VGLL3: variants seen among roughly 807,000 people sequenced by gnomAD.
The protein encoded by VGLL3 is transcription cofactor vestigial-like protein 3.
VGLL3 carries 18 observed loss-of-function variants against 29.2 expected under a neutral mutation model. That is an observed-to-expected ratio of 0.62 (90% confidence interval 0.43 to 0.91). The LOEUF (loss-of-function observed/expected upper bound fraction) is 0.91, where lower values mean the gene tolerates loss of function less well. Ranked by LOEUF, VGLL3 falls within the 40% of genes least tolerant of loss-of-function variation. VGLL3 has a pLI of 0.00. For synonymous variants in VGLL3, 180 were observed against 151.8 expected, an observed-to-expected ratio of 1.19 and a Z score of -1.36; for missense variants, 440 against 413.2, an observed-to-expected ratio of 1.06 and a Z score of -0.56.
rs145009870 is a variant in VGLL3, at chr3:86,952,792, A to T, written c.938-5725T>A. Among the ~76,000 whole-genome samples, 862 of 152,324 alleles carry T rather than the reference A, an allele frequency of 5.7e-3. 9 individuals carry two copies. The highest frequency in any genetic ancestry group is 0.02 in the African/African-American group (821 of 41,582). ...TACATACAACACTGTGTCAGATGCT[A>T]CATCAAAATATCCAAACTTCACCAG... On this transcript the variant is annotated intron_variant, in intron 3 of 3. Coordinates refer to ENST00000398399, the MANE Select transcript of VGLL3 (RefSeq NM_016206.4).
At chr3:86,961,477 T>C (rs1482832289) in intron 3 of VGLL3, among the ~76,000 whole-genome samples, 1 of 152,140 alleles carries the variant, frequency 6.6e-6, no homozygotes, top group Non-Finnish European at 1.5e-5. Context: ...AAAAGAGGAC[T>C]ACTATGTCAG....
intron 1 of VGLL3, among the ~76,000 whole-genome samples, chr3:86,988,625 G>T (rs1472978915): frequency 1.7e-5 from 1 of 57,872 alleles, no homozygotes; most frequent in African/African-American, 6.2e-5. Flanking sequence ...TGGTCAAACA[G>T]TTTCTTTACT....
chr3:86,949,711 C>T (rs977735146), intron 3 of VGLL3, among the ~76,000 whole-genome samples: 4 of 151,372 alleles, frequency 2.6e-5, no homozygotes, highest in Non-Finnish European at 4.4e-5. Context: ...CCTGTAGTCC[C>T]AGCTACTCGG....
rs962129357 is a variant in VGLL3 at position 86,969,038 on chromosome 3, C to A, written c.489G>T (p.Leu163Phe). Reference protein sequence around the residue: ...SSYQPPPAPCLGGVHPDFQVT... With the variant: ...SSYQPPPAPCFGGVHPDFQVT... ...CCTGGAAGTCAGGATGAACTCCCCC[C>A]AAACAAGGTGCAGGTGGGGGCTGGT... Residue 163 changes from leucine to phenylalanine, a missense_variant, in exon 3 of 4, where the codon TTG (leucine) becomes TTT (phenylalanine). Leu to Phe is a conservative substitution (Grantham distance 22, BLOSUM62 0). Coordinates refer to ENST00000398399, the MANE Select transcript of VGLL3 (RefSeq NM_016206.4). 1.2e-6 allele frequency: 2 copies of A among 1,614,022 alleles called. No homozygotes were observed. Among genetic ancestry groups the A allele is most frequent in the Non-Finnish European group, 1.7e-6 (2 of 1,179,992 alleles).
rs562213123 is a variant in VGLL3, at chr3:86,942,364, A to G, written c.*4660T>C. 6.6e-6 allele frequency: 1 copy of G among 152,296 alleles called. No homozygotes were observed. Among genetic ancestry groups the G allele is most frequent in the East Asian group, 1.9e-4 (1 of 5,172 alleles). The allele number at this position is 152,296 out of a possible 1,614,324, so 9.4% of individuals were successfully genotyped here. A position where few individuals can be genotyped will look rare whatever the true frequency, so the allele number is the denominator to read the frequency against. ...TCCTTCCGTCTTCAATAACTGACACAGTGTCAACATCTGCTTCCAATAAGA... is the reference window on the plus strand; with the variant it reads ...TCCTTCCGTCTTCAATAACTGACACGGTGTCAACATCTGCTTCCAATAAGA... On this transcript the variant is annotated 3_prime_UTR_variant, in exon 4 of 4. Coordinates refer to ENST00000398399, the MANE Select transcript of VGLL3 (RefSeq NM_016206.4).
intron 2 of VGLL3, among the ~76,000 whole-genome samples, chr3:86,971,804 G>C (rs2660777): frequency 0.7 from 106,369 of 152,080 alleles, 37,576 homozygotes; most frequent in East Asian, 0.76. Flanking sequence ...AACCCATACA[G>C]AGAGTTTAGA....
intron 3 of VGLL3, among the ~76,000 whole-genome samples, chr3:86,965,502 A>C (rs1243019260): frequency 6.6e-6 from 1 of 152,162 alleles, no homozygotes; most frequent in Non-Finnish European, 1.5e-5. Context: ...ACTTCTGTTC[A>C]TTTAAAAGGA....
Position 86,990,735 on chromosome 3 carries a change from A to G in VGLL3, c.9T>C (p.Cys3=). The change falls in exon 1 of 4, where the codon TGT becomes TGC. Residue 3 remains cysteine, a synonymous_variant. Transcript: ENST00000398399. ...GCTGGGGGTGATACATCACCTCCGC[A>G]CAACTCATGGCAGCCGGGGCAGTGG... MS[C]AEVMYHPQPY... is the part of the protein sequence containing the mutation. The G allele has an allele frequency of 1.4e-6, 2 of 1,411,724 alleles. No individual in the cohort carries two copies. The highest frequency in any genetic ancestry group is 2.8e-5 in the East Asian group (1 of 36,078). 87.4% of individuals were successfully genotyped at this position (1,411,724 alleles called of 1,614,324 possible). A position where few individuals can be genotyped will look rare whatever the true frequency, so the allele number is the denominator to read the frequency against.
intron 1 of VGLL3, among the ~76,000 whole-genome samples, chr3:86,983,891 T>A (rs1705381962): frequency 6.6e-6 from 1 of 152,210 alleles, no homozygotes; most frequent in Non-Finnish European, 1.5e-5. Flanking sequence ...TGCAAATTAC[T>A]GGGTCAGGAT....
rs776998791 is a variant in VGLL3, at chr3:86,938,818, T to A, written c.*8206A>T. On this transcript the variant is annotated 3_prime_UTR_variant, in exon 4 of 4. Transcript: ENST00000398399. ...GTGTTAAAGCTTTACCACGTCAATG[T>A]GGTCATATTTAGCTATTTAGTCAAA... 1 of 152,262 alleles carries A rather than the reference T, an allele frequency of 6.6e-6. No individual in the cohort carries two copies. Among genetic ancestry groups the A allele is most frequent in the Non-Finnish European group, 1.5e-5 (1 of 68,038 alleles). The allele number at this position is 152,262 out of a possible 1,614,324, so 9.4% of individuals were successfully genotyped here.
chr3:86,946,532 T>C lies in VGLL3; in HGVS notation c.*492A>G, dbSNP rs1399086732. On this transcript the variant is annotated 3_prime_UTR_variant, in exon 4 of 4. Coordinates refer to ENST00000398399, the MANE Select transcript of VGLL3 (RefSeq NM_016206.4). ...AGTGCTTCTCTGAGAGCAAGTTCTT[T>C]AAACAGAACTCAACAATTTTTACAA... 1.3e-5 allele frequency: 2 copies of C among 152,354 alleles called. No individual in the cohort carries two copies. Among genetic ancestry groups the C allele is most frequent in the African/African-American group, 4.8e-5 (2 of 41,422 alleles). The allele number at this position is 152,354 out of a possible 1,614,324, so 9.4% of individuals were successfully genotyped here.
chr3:86,971,350 G>A (rs2107026794), intron 2 of VGLL3, among the ~76,000 whole-genome samples: 1 of 152,242 alleles, frequency 6.6e-6, no homozygotes, highest in South Asian at 2.1e-4. Flanking sequence ...CCCTTCAGCT[G>A]GGCACCAGAG....
chr3:86,988,943 TA>T (rs1225758548), intron 1 of VGLL3, among the ~76,000 whole-genome samples: 1 of 152,134 alleles, frequency 6.6e-6, no homozygotes, highest in Non-Finnish European at 1.5e-5. Flanking sequence ...TTGACGGTTT[TA>T]GCAAAAGAAA....
chr3:86,958,395 T>C (rs928623793), intron 3 of VGLL3, among the ~76,000 whole-genome samples: 2 of 152,338 alleles, frequency 1.3e-5, no homozygotes, highest in East Asian at 3.9e-4. Context: ...AAGACGTCTT[T>C]TACAATGATT....
At chr3:86,990,120 G>T (rs971233099) in intron 1 of VGLL3, among the ~76,000 whole-genome samples, 4 of 152,098 alleles carry the variant, frequency 2.6e-5, no homozygotes, top group Admixed American at 1.3e-4. Context: ...AGTAACACCC[G>T]ATAGACATTA....
chr3:86,990,985 C>A lies in VGLL3; in HGVS notation c.-242G>T, dbSNP rs1461615426. 3.0e-6 allele frequency: 3 copies of A among 1,006,126 alleles called. No individual in the cohort carries two copies. Among genetic ancestry groups the A allele is most frequent in the East Asian group, 1.7e-4 (2 of 11,716 alleles). The allele number at this position is 1,006,126 out of a possible 1,614,324, so 62.3% of individuals were successfully genotyped here. On this transcript the variant is annotated 5_prime_UTR_variant, in exon 1 of 4. Coordinates refer to ENST00000398399, the MANE Select transcript of VGLL3 (RefSeq NM_016206.4). Reference sequence around the variant, plus strand: ...TTCAGCCCCTCCGGATGTTCCCTGCCGCGCTTATATAGCGGCTCAGGGACG... The same window carrying A: ...TTCAGCCCCTCCGGATGTTCCCTGCAGCGCTTATATAGCGGCTCAGGGACG...
chr3:86,950,347 A>G (rs564231725), intron 3 of VGLL3, among the ~76,000 whole-genome samples: 1 of 152,342 alleles, frequency 6.6e-6, no homozygotes, highest in South Asian at 2.1e-4. Context: ...ATCATACTTC[A>G]TGCTCCTAAT....
rs1483807071 is a variant in VGLL3, at chr3:86,940,769, G to A, written c.*6255C>T. 6.6e-6 allele frequency: 1 copy of A among 151,592 alleles called. No individual in the cohort carries two copies. Among genetic ancestry groups the A allele is most frequent in the Non-Finnish European group, 1.5e-5 (1 of 67,808 alleles). The allele number at this position is 151,592 out of a possible 1,614,324, so 9.4% of individuals were successfully genotyped here. A position where few individuals can be genotyped will look rare whatever the true frequency, so the allele number is the denominator to read the frequency against. On this transcript the variant is annotated 3_prime_UTR_variant, in exon 4 of 4. Coordinates refer to ENST00000398399, the MANE Select transcript of VGLL3 (RefSeq NM_016206.4). ...GAAGAGTGAATAGAAATAAGAAAAT[G>A]TTTTCCCAACCCCACAAAAACAGAA...
At chr3:86,960,583 CTG>C (rs1250429877) in intron 3 of VGLL3, among the ~76,000 whole-genome samples, 3 of 152,136 alleles carry the variant, frequency 2.0e-5, no homozygotes, top group Admixed American at 2.0e-4. Flanking sequence ...ACTTCTCAGT[CTG>C]TACTTTGCAA....
Sources: gnomAD v4.1 joint callset for allele counts (sites outside exome capture counted in the v4.1 genomes callset) on GRCh38, gnomAD v4.1.1 for gene constraint, MANE v1.5 for transcripts, NCBI Gene and HGNC (gene_info 2026-07-23, HGNC 2026-07-21) for gene names.